CELF4: variants seen among roughly 807,000 people sequenced by gnomAD.
The protein encoded by CELF4 is CUGBP Elav-like family member 4, also known as CUG-BP- and ETR-3-like factor 4.
Under a neutral mutation model 59.9 loss-of-function variants are expected in CELF4, and 18 were observed. That is an observed-to-expected ratio of 0.30 (90% CI 0.21 to 0.45). The LOEUF (loss-of-function observed/expected upper bound fraction) is 0.45. CELF4 is among the 20% of genes least tolerant of loss of function. The pLI is 1.00. For synonymous variants in CELF4, 261 were observed against 267.1 expected (o/e 0.98, Z 0.22); for missense variants, 456 against 689.0 (o/e 0.66, Z 3.79).
chr18:37,461,014 G>A (rs2099791929), intron 2 of CELF4, among the ~76,000 whole-genome samples: 1 of 152,216 alleles, frequency 6.6e-6, no homozygotes, highest in Non-Finnish European at 1.5e-5. Flanking sequence ...AGTGTGGGTG[G>A]CCAAGAGTGT....
intron 2 of CELF4, among the ~76,000 whole-genome samples, chr18:37,369,718 C>G (rs981411762): frequency 6.6e-6 from 1 of 152,214 alleles, no homozygotes; most frequent in African/African-American, 2.4e-5. Context: ...GACTGGAATT[C>G]ACAGTTGATC....
At chr18:37,535,821 C>T (rs1036436968) in intron 1 of CELF4, among the ~76,000 whole-genome samples, 4 of 152,136 alleles carry the variant, frequency 2.6e-5, no homozygotes, top group East Asian at 1.9e-4. Context: ...GGCCACGCAG[C>T]GAGAGAGAAC....
intron 3 of CELF4, among the ~76,000 whole-genome samples, chr18:37,300,379 C>T (rs921142590): frequency 6.6e-6 from 1 of 152,160 alleles, no homozygotes; most frequent in Non-Finnish European, 1.5e-5. Flanking sequence ...CACCTGCCAC[C>T]GCACTTGGCT....
At chr18:37,542,569 CCT>C (rs954078967) in intron 1 of CELF4, among the ~76,000 whole-genome samples, 8 of 152,310 alleles carry the variant, frequency 5.3e-5, no homozygotes, top group Middle Eastern at 3.4e-3. Flanking sequence ...AAACTCTGTG[CCT>C]CTGTTTCTTT....
At chr18:37,312,110 CAAAAAA>C (rs59872500) in intron 3 of CELF4, among the ~76,000 whole-genome samples, 10 of 50,796 alleles carry the variant, frequency 2.0e-4, no homozygotes, top group African/African-American at 5.8e-4. Flanking sequence ...GATTCCGTCT[CAAAAAA>C]AAAAAAAAAA....
intron 2 of CELF4, among the ~76,000 whole-genome samples, chr18:37,432,502 G>A (rs985471590): frequency 6.6e-6 from 1 of 152,218 alleles, no homozygotes; most frequent in African/African-American, 2.4e-5. Context: ...GACAATGAAC[G>A]CTGCACCCGG....
chr18:37,545,746 G>T (rs2099981122), intron 1 of CELF4, among the ~76,000 whole-genome samples: 1 of 137,958 alleles, frequency 7.2e-6, no homozygotes, highest in Non-Finnish European at 1.5e-5. Context: ...ATGCGTGTGT[G>T]TGGGCATACA....
chr18:37,515,632 G>A (rs2099949838), intron 1 of CELF4, among the ~76,000 whole-genome samples: 1 of 152,224 alleles, frequency 6.6e-6, no homozygotes, highest in Admixed American at 6.5e-5. Context: ...ACACTGAACA[G>A]ACCCACCCGA....
chr18:37,371,716 C>T (rs2098887055), intron 2 of CELF4, among the ~76,000 whole-genome samples: 1 of 152,186 alleles, frequency 6.6e-6, no homozygotes, highest in Non-Finnish European at 1.5e-5. Context: ...TGAATGTGAC[C>T]ACAGGGCTGG....
At position 37,253,070 on chromosome 18, in the gene CELF4, C is replaced by T. The variant is rs1347476075; in HGVS notation, c.*44+697G>A. Among the ~76,000 whole-genome samples, 1 of 152,078 alleles carries T rather than the reference C, an allele frequency of 6.6e-6. No individual in the cohort carries two copies. The highest frequency in any genetic ancestry group is 1.5e-5 in the Non-Finnish European group (1 of 68,030). Reference sequence around the variant, plus strand: ...AGGGGAACACGTGGGCTGGAAGAGGCGTGGCTGACTGTGTCTTCAGCTCCT... The same window carrying T: ...AGGGGAACACGTGGGCTGGAAGAGGTGTGGCTGACTGTGTCTTCAGCTCCT... On this transcript the variant is annotated intron_variant, in intron 12 of 12. Transcript: ENST00000420428. This position sits in a 1 kb window ranked among gnomAD's most constrained non-coding sequence, Gnocchi z 4.5.
chr18:37,328,996 T>C (rs1383547617), intron 2 of CELF4, among the ~76,000 whole-genome samples: 1 of 152,276 alleles, frequency 6.6e-6, no homozygotes, highest in East Asian at 1.9e-4. Context: ...ATTTTTTTTA[T>C]TTGCTATTTG....
intron 7 of CELF4, among the ~76,000 whole-genome samples, chr18:37,271,416 A>G (rs1662913): frequency 0.038 from 5,741 of 152,050 alleles, 361 homozygotes; most frequent in African/African-American, 0.13. Context: ...CACCAGGCCC[A>G]GCTAATTTTT....
intron 1 of CELF4, among the ~76,000 whole-genome samples, chr18:37,554,515 C>T (rs1234107109): frequency 1.3e-5 from 2 of 152,172 alleles, no homozygotes; most frequent in African/African-American, 2.4e-5. Flanking sequence ...CCCTCCTTTA[C>T]AATCAAAGGC....
chr18:37,367,595 T>C (rs958234398), intron 2 of CELF4, among the ~76,000 whole-genome samples: 5 of 151,870 alleles, frequency 3.3e-5, no homozygotes, highest in African/African-American at 1.2e-4. Context: ...GAAGGTGCAA[T>C]GTGCAGGATG....
At chr18:37,389,022 C>T (rs889452471) in intron 2 of CELF4, among the ~76,000 whole-genome samples, 4 of 152,144 alleles carry the variant, frequency 2.6e-5, no homozygotes, top group East Asian at 1.9e-4. Flanking sequence ...GACTGGGGTC[C>T]TGCCCTGGTG....
chr18:37,328,165 A>G (rs2097393582), intron 2 of CELF4, among the ~76,000 whole-genome samples: 1 of 152,220 alleles, frequency 6.6e-6, no homozygotes, highest in African/African-American at 2.4e-5. Flanking sequence ...TCCCTGGAGT[A>G]CGTGTGTGCA....
intron 1 of CELF4, among the ~76,000 whole-genome samples, chr18:37,549,646 T>G (rs1400426103): frequency 3.3e-5 from 5 of 152,170 alleles, no homozygotes; most frequent in Non-Finnish European, 7.3e-5. Flanking sequence ...CTGGTTGCAA[T>G]AGGGATAAAA....
At chr18:37,339,144 T>C (rs2097896664) in intron 2 of CELF4, among the ~76,000 whole-genome samples, 1 of 152,224 alleles carries the variant, frequency 6.6e-6, no homozygotes, top group Admixed American at 6.5e-5. Flanking sequence ...ATATTTCCTA[T>C]CTCCTGCCTC....
chr18:37,431,273 TATC>T (rs1309764853), intron 2 of CELF4, among the ~76,000 whole-genome samples: 1 of 152,064 alleles, frequency 6.6e-6, no homozygotes, highest in Non-Finnish European at 1.5e-5. Context: ...CTGGAGGTCT[TATC>T]ATCTCATCTT....
Sources: allele counts gnomAD v4.1 joint callset (sites outside exome capture counted in the v4.1 genomes callset), GRCh38; gene constraint gnomAD v4.1.1; non-coding constraint Gnocchi (gnomAD v3.1); transcripts MANE v1.5; gene names NCBI Gene and HGNC (gene_info 2026-07-23, HGNC 2026-07-21).